FREM1: variants seen among roughly 807,000 people sequenced by gnomAD.
The protein encoded by FREM1 is FRAS1-related extracellular matrix protein 1.
A neutral mutation model predicts 210.1 loss-of-function variants in FREM1; 220 were observed. The observed-to-expected ratio is 1.05, with a 90% confidence interval of 0.94 to 1.17. The LOEUF is 1.17. Ranked by LOEUF, FREM1 falls within the 50% of genes most tolerant of loss-of-function variation. FREM1 has a pLI of 0.00. For synonymous variants in FREM1, 1,189 were observed against 980.2 expected (o/e 1.21, Z -3.98); for missense variants, 3,454 against 2,675.5 (o/e 1.29, Z -6.42).
In FREM1 at chr9:14,797,491, A is replaced by C; in HGVS notation, c.3839+7T>G. 1 of 1,601,736 alleles carries C rather than the reference A, an allele frequency of 6.2e-7. No individual in the cohort carries two copies. The highest frequency in any genetic ancestry group is 8.5e-7 in the Non-Finnish European group (1 of 1,173,120). On this transcript the variant is annotated splice_region_variant and intron_variant, in intron 21 of 36. Transcript: ENST00000380880. Reference sequence around the variant, plus strand: ...AATCTGAAAGGGACTCTTTTCAGGTAGCTTACTTGCTCAGCATTGGTTTTT... The same window carrying C: ...AATCTGAAAGGGACTCTTTTCAGGTCGCTTACTTGCTCAGCATTGGTTTTT...
At chr9:14,896,991 T>C (rs911855070) in intron 1 of FREM1, among the ~76,000 whole-genome samples, 6 of 152,174 alleles carry the variant, frequency 3.9e-5, no homozygotes, top group Non-Finnish European at 7.4e-5. Context: ...TCAACCACCA[T>C]GAATATTTTT....
Position 14,759,114 on chromosome 9 carries a change from A to G in FREM1, c.5334+658T>C, listed in dbSNP as rs142067877. ...TCTTTCTAAAGCAGAGTTCAGCCCA[A>G]GTTCACAAAGTTGAATATAGCTCCC... On this transcript the variant is annotated intron_variant, in intron 28 of 36. Coordinates refer to ENST00000380880, the MANE Select transcript of FREM1 (RefSeq NM_001379081.2). 5.4e-4 allele frequency among the ~76,000 whole-genome samples: 83 copies of G among 152,326 alleles called. 1 individual carries two copies. In the East Asian group the frequency reaches 7.5e-3, roughly 14 times the overall value.
chr9:14,807,511 T>C (rs991425157), intron 17 of FREM1, among the ~76,000 whole-genome samples: 8 of 152,136 alleles, frequency 5.3e-5, no homozygotes, highest in African/African-American at 1.9e-4. Context: ...AGGTTAAATG[T>C]ATATAAATGG....
chr9:14,824,674 T>C (rs1822005839), intron 11 of FREM1, 122 bp downstream of exon 11: 1 of 677,940 alleles, frequency 1.5e-6, no homozygotes, highest in Admixed American at 3.1e-5. Flanking sequence ...TTGAGTATAA[T>C]TTCATGCCTG....
At chr9:14,790,653 G>C (rs1333484116) in intron 22 of FREM1, 1 of 152,132 alleles carries the variant, frequency 6.6e-6, no homozygotes, top group Non-Finnish European at 1.5e-5. Context: ...GAAAATAAAA[G>C]TCAGATTCAA....
At chr9:14,894,706 G>A (rs978019846) in intron 1 of FREM1, among the ~76,000 whole-genome samples, 3 of 152,166 alleles carry the variant, frequency 2.0e-5, no homozygotes, top group Non-Finnish European at 4.4e-5. Flanking sequence ...TAACAATTGA[G>A]TAAAGTATAC....
intron 21 of FREM1, among the ~76,000 whole-genome samples, chr9:14,796,369 A>G (rs913061754): frequency 5.9e-5 from 9 of 152,360 alleles, no homozygotes; most frequent in Non-Finnish European, 8.8e-5. Context: ...TTATAGCTCT[A>G]GAGAAGAGTT....
Position 14,753,504 on chromosome 9 carries a change from T to C in FREM1, c.5407+2870A>G, listed in dbSNP as rs935705584. ...AAAGTAGTTAGGGTTTGCTTTTGTT[T>C]GTTTGGTATTTTTTTGGTTTGGTAG... On this transcript the variant is annotated intron_variant, in intron 29 of 36. Coordinates refer to ENST00000380880, the MANE Select transcript of FREM1 (RefSeq NM_001379081.2). Among the ~76,000 whole-genome samples, 3 of 152,216 alleles carry C rather than the reference T, an allele frequency of 2.0e-5. No homozygotes were observed. In the South Asian group the frequency reaches 6.2e-4, roughly 32 times the overall value.
chr9:14,747,591 G>T, intron 32 of FREM1, 90 bp downstream of exon 32: 1 of 1,019,468 alleles, frequency 9.8e-7, no homozygotes, highest in Non-Finnish European at 1.4e-6. Flanking sequence ...TAAGAGAAAT[G>T]TATAAATATA....
At chr9:14,887,260 T>A (rs973953428) in intron 1 of FREM1, among the ~76,000 whole-genome samples, 3 of 152,168 alleles carry the variant, frequency 2.0e-5, no homozygotes, top group African/African-American at 7.2e-5. Context: ...CTACTGACCT[T>A]ACAACTCCCT....
intron 1 of FREM1, among the ~76,000 whole-genome samples, chr9:14,873,847 C>T (rs1246965100): frequency 6.6e-6 from 1 of 152,006 alleles, no homozygotes; most frequent in African/African-American, 2.4e-5. Flanking sequence ...GAATGTGTCC[C>T]AGAGATTCTG....
At chr9:14,889,557 G>C (rs541126609) in intron 1 of FREM1, among the ~76,000 whole-genome samples, 24 of 152,312 alleles carry the variant, frequency 1.6e-4, no homozygotes, top group Admixed American at 1.4e-3. Context: ...TCTGACACTA[G>C]ACTAGTGCTA....
At chr9:14,903,892 C>T (rs1012386364) in intron 1 of FREM1, among the ~76,000 whole-genome samples, 2 of 151,980 alleles carry the variant, frequency 1.3e-5, no homozygotes, top group African/African-American at 2.4e-5. Flanking sequence ...AAGGCCGAGG[C>T]GGGCGGATCA....
intron 22 of FREM1, among the ~76,000 whole-genome samples, chr9:14,790,228 G>A (rs1851067103): frequency 2.0e-5 from 3 of 151,996 alleles, no homozygotes; most frequent in Admixed American, 6.6e-5. Flanking sequence ...CAGACTCCCA[G>A]TTCCTGGCAA....
intron 25 of FREM1, among the ~76,000 whole-genome samples, chr9:14,774,924 T>A (rs529719520): frequency 6.6e-6 from 1 of 152,326 alleles, no homozygotes; most frequent in South Asian, 2.1e-4. Context: ...ACTTGCTTCA[T>A]ATGAGTTTTA....
intron 10 of FREM1, among the ~76,000 whole-genome samples, chr9:14,826,464 T>C (rs1428750346): frequency 6.6e-6 from 1 of 152,218 alleles, no homozygotes; most frequent in African/African-American, 2.4e-5. Context: ...GACCATGTAC[T>C]GGTCCTTGAC....
At chr9:14,861,046 CATATATACATATAT>C (rs1405638550) in intron 3 of FREM1, among the ~76,000 whole-genome samples, 3 of 75,146 alleles carry the variant, frequency 4.0e-5, no homozygotes, top group African/African-American at 1.4e-4. Context: ...TACATATATA[CATATATACATATAT>C]ACACATATAC....
chr9:14,870,190 G>C (rs942051175), intron 1 of FREM1, among the ~76,000 whole-genome samples: 1 of 152,192 alleles, frequency 6.6e-6, no homozygotes, highest in Non-Finnish European at 1.5e-5. Context: ...ATACCAAAAT[G>C]AATGTTTGTC....
chr9:14,863,120 T>A (rs1454778632), intron 3 of FREM1, among the ~76,000 whole-genome samples: 1 of 152,024 alleles, frequency 6.6e-6, no homozygotes, highest in African/African-American at 2.4e-5. Flanking sequence ...GACAGGCAGA[T>A]CATGTGGTCA....
Sources: gnomAD v4.1 joint callset for allele counts (sites outside exome capture counted in the v4.1 genomes callset) on GRCh38, gnomAD v4.1.1 for gene constraint, MANE v1.5 for transcripts, NCBI Gene and HGNC (gene_info 2026-07-23, HGNC 2026-07-21) for gene names.